GATA5: variants seen among roughly 807,000 people sequenced by gnomAD.
GATA5 encodes transcription factor GATA-5.
Under a neutral mutation model 35.0 loss-of-function variants are expected in GATA5, and 27 were observed. The ratio of observed to expected loss-of-function variants is 0.77; its 90% CI spans 0.57 to 1.06. GATA5 has a LOEUF of 1.06. Ranked by LOEUF, GATA5 falls within the 50% of genes least tolerant of loss-of-function variation. GATA5 has a pLI of 0.00. For synonymous variants in GATA5, 306 were observed against 267.8 expected (o/e 1.14, Z -1.39); for missense variants, 612 against 580.0 (o/e 1.06, Z -0.57).
At chr20:62,466,663 G>T in intron 3 of GATA5, 112 bp from the exon 4 acceptor site, 1 of 1,260,880 alleles carries the variant, frequency 7.9e-7, no homozygotes, top group Non-Finnish European at 1.1e-6. Flanking sequence ...CCGGTGAGAA[G>T]GTCGTGAGCT....
chr20:62,466,582 C>A, intron 3 of GATA5, 31 bp from the exon 4 acceptor site: 1 of 1,536,284 alleles, frequency 6.5e-7, no homozygotes. Flanking sequence ...GGAGTGAGCC[C>A]CGGGCCGGGT....
At chr20:62,469,712 T>G (rs1989677126) in intron 3 of GATA5, among the ~76,000 whole-genome samples, 1 of 152,188 alleles carries the variant, frequency 6.6e-6, no homozygotes, top group South Asian at 2.1e-4. Context: ...TCTATCAAAT[T>G]AAGACAATGG....
chr20:62,467,448 C>G (rs1989619672), intron 3 of GATA5, among the ~76,000 whole-genome samples: 1 of 152,232 alleles, frequency 6.6e-6, no homozygotes, highest in African/African-American at 2.4e-5. Flanking sequence ...GAAGCCCTTT[C>G]CCGAATCTCA....
Position 62,466,568 on chromosome 20 carries a change from G to T in GATA5, c.700-17C>A. 1 of 1,542,410 alleles carries T rather than the reference G, an allele frequency of 6.5e-7. No individual in the cohort carries two copies. The highest frequency in any genetic ancestry group is 8.7e-7 in the Non-Finnish European group (1 of 1,144,080). On this transcript the variant is annotated splice_polypyrimidine_tract_variant and intron_variant, in intron 3 of 6. Coordinates refer to ENST00000252997, the MANE Select transcript of GATA5 (RefSeq NM_080473.5). ...GGACGAGGACTGTGGGGGCGAGGGA[G>T]ACTGGAGTGAGCCCCGGGCCGGGTG...
chr20:62,474,179 C>T (rs560858570), intron 2 of GATA5, among the ~76,000 whole-genome samples: 2 of 152,354 alleles, frequency 1.3e-5, no homozygotes, highest in East Asian at 3.9e-4. Flanking sequence ...CTCACAGCCC[C>T]CTGGGGCCGG....
rs1555895944 is a variant in GATA5 at position 62,465,344 on chromosome 20, G to T, written c.1034C>A (p.Pro345His). The change falls in exon 6 of 7, where the codon CCC becomes CAC. Residue 345 changes from proline to histidine, a missense_variant. Coordinates refer to ENST00000252997, the MANE Select transcript of GATA5 (RefSeq NM_080473.5). ...CACCCCAGCCCACCCCCTTACCTGGGGGGCCATGCTGGGCCCAGGGCACAC... is the reference window on the plus strand; with the variant it reads ...CACCCCAGCCCACCCCCTTACCTGGTGGGCCATGCTGGGCCCAGGGCACAC... Reference protein sequence around the residue: ...SPVCPGPSMAPQASGQEDDSL... With the variant: ...SPVCPGPSMAHQASGQEDDSL... 6.3e-7 allele frequency: 1 copy of T among 1,595,506 alleles called. No individual in the cohort carries two copies. Among genetic ancestry groups the T allele is most frequent in the Non-Finnish European group, 8.5e-7 (1 of 1,177,858 alleles).
chr20:62,473,649 ACCCTC>A lies in GATA5; in HGVS notation c.524-76_524-72del. On this transcript the variant is annotated intron_variant, in intron 2 of 6. Transcript: ENST00000252997. ...GATCCTCCCCAGCTCATGGGCCGGCACCCTCCCCTCCCCAGGAGCCTGGCGGCTTT... is the reference window on the plus strand; with the variant it reads ...GATCCTCCCCAGCTCATGGGCCGGCACCCTCCCCAGGAGCCTGGCGGCTTT... 4 of 1,448,760 alleles carry A rather than the reference ACCCTC, an allele frequency of 2.8e-6. No individual in the cohort carries two copies. In the South Asian group the frequency reaches 5.2e-5, roughly 19 times the overall value. 89.7% of individuals were successfully genotyped at this position (1,448,760 alleles called of 1,614,324 possible).
Position 62,466,514 on chromosome 20 carries a change from C to G in GATA5, c.737G>C (p.Cys246Ser). 1 of 1,563,186 alleles carries G rather than the reference C, an allele frequency of 6.4e-7. No homozygotes were observed. ...CCACAGCGTGGTGTTGGTCGTGTGG[C>G]AGTTGGTGCAGCAGAGGCCGGCGCG... ...SRRAGLCCTN[C>S]HTTNTTLWRR... Residue 246 changes from cysteine (C) to serine (S), a missense_variant, in exon 4 of 7, where the codon TGC (cysteine) becomes TCC (serine). Physicochemically the swap from Cys to Ser is moderately radical, Grantham distance 112. Coordinates refer to ENST00000252997, the MANE Select transcript of GATA5 (RefSeq NM_080473.5).
intron 4 of GATA5, 83 bp downstream of exon 4, chr20:62,466,343 G>A: frequency 1.7e-5 from 24 of 1,432,086 alleles, no homozygotes; most frequent in Non-Finnish European, 2.2e-5. Flanking sequence ...CTCCTCCCCA[G>A]CCTCTTGGTC....
At chr20:62,465,168 C>T (rs1989549692) in intron 6 of GATA5, among the ~76,000 whole-genome samples, 172 bp downstream of exon 6, 1 of 152,206 alleles carries the variant, frequency 6.6e-6, no homozygotes, top group South Asian at 2.1e-4. Flanking sequence ...TCTCCCACAT[C>T]TGGCACAGAG....
intron 4 of GATA5, 32 bp from the exon 5 acceptor site, chr20:62,465,953 C>T: frequency 6.7e-7 from 1 of 1,481,992 alleles, no homozygotes; most frequent in African/African-American, 1.4e-5. Flanking sequence ...GAGGCTGGTC[C>T]CATCCCTGCT....
At chr20:62,465,606 G>A (rs1018635041) in intron 5 of GATA5, 142 bp from the exon 6 acceptor site, 7 of 1,185,550 alleles carry the variant, frequency 5.9e-6, no homozygotes, top group Admixed American at 5.2e-5. Context: ...GGGTGGTGTG[G>A]CCGGGCGTGG....
intron 5 of GATA5, 114 bp from the exon 6 acceptor site, chr20:62,465,578 C>A: frequency 7.3e-7 from 1 of 1,370,316 alleles, no homozygotes; most frequent in Non-Finnish European, 9.8e-7. Context: ...AGACTCCTCA[C>A]GGTCACACCG....
At position 62,466,439 on chromosome 20, in the gene GATA5, A is replaced by G. The variant is rs1276846357; in HGVS notation, c.812T>C (p.Met271Thr). ...EPVCNACGLY[M>T]KLHGVPRPLA... ...GACCACACTCACCCCGTGCAGCTTC[A>G]TGTAGAGGCCGCAGGCATTGCACAC... Residue 271 changes from methionine (M) to threonine (T), a missense_variant, in exon 4 of 7, where the codon ATG (methionine) becomes ACG (threonine). Met to Thr is a moderately conservative substitution (Grantham distance 81). Transcript: ENST00000252997. 1.1e-5 allele frequency: 17 copies of G among 1,586,588 alleles called. No homozygotes were observed. The highest frequency in any genetic ancestry group is 1.5e-5 in the Non-Finnish European group (17 of 1,166,938).
chr20:62,474,909 G>A lies in GATA5; in HGVS notation c.523+90C>T, dbSNP rs1350534526. ...CTGGCAGGGAGGCTCGGACCGTGGGGGAGGATGAGGGGAGCGTTTCGCAGG... is the reference window on the plus strand; with the variant it reads ...CTGGCAGGGAGGCTCGGACCGTGGGAGAGGATGAGGGGAGCGTTTCGCAGG... On this transcript the variant is annotated intron_variant, in intron 2 of 6. Transcript: ENST00000252997. The A allele has an allele frequency of 7.1e-6, 8 of 1,123,302 alleles. No homozygotes were observed. In the African/African-American group the frequency reaches 1.3e-4, roughly 18 times the overall value. The allele number at this position is 1,123,302 out of a possible 1,614,324, so 69.6% of individuals were successfully genotyped here. A position where few individuals can be genotyped will look rare whatever the true frequency, so the allele number is the denominator to read the frequency against.
chr20:62,463,657 T>C lies in GATA5; in HGVS notation c.*1179A>G, dbSNP rs1469371304. The C allele has an allele frequency of 6.6e-6, 1 of 152,212 alleles. No individual in the cohort carries two copies. The highest frequency in any genetic ancestry group is 1.5e-5 in the Non-Finnish European group (1 of 68,032). The allele number at this position is 152,212 out of a possible 1,614,324, so 9.4% of individuals were successfully genotyped here. A position where few individuals can be genotyped will look rare whatever the true frequency, so the allele number is the denominator to read the frequency against. On this transcript the variant is annotated 3_prime_UTR_variant, in exon 7 of 7. Transcript: ENST00000252997. ...GATGCCAGACAACTGTTTTTCAATATGGGGTGGTGCACTGGGGGTCTAGCT... is the reference window on the plus strand; with the variant it reads ...GATGCCAGACAACTGTTTTTCAATACGGGGTGGTGCACTGGGGGTCTAGCT...
Position 62,466,562 on chromosome 20 carries a change from G to A in GATA5, c.700-11C>T, listed in dbSNP as rs996898487. 33 of 1,545,560 alleles carry A rather than the reference G, an allele frequency of 2.1e-5. No homozygotes were observed. The highest frequency in any genetic ancestry group is 2.4e-5 in the Non-Finnish European group (28 of 1,146,098). On this transcript the variant is annotated splice_polypyrimidine_tract_variant and intron_variant, in intron 3 of 6. Transcript: ENST00000252997. ...GCGGCGGGACGAGGACTGTGGGGGC[G>A]AGGGAGACTGGAGTGAGCCCCGGGC... is the stretch of plus-strand genomic sequence containing the variant.
At position 62,470,044 on chromosome 20, in the gene GATA5, C is replaced by T. The variant is rs782778434; in HGVS notation, c.699+3359G>A. Among the ~76,000 whole-genome samples the T allele has an allele frequency of 6.6e-6, 1 of 152,272 alleles. No individual in the cohort carries two copies. The highest frequency in any genetic ancestry group is 2.4e-5 in the African/African-American group (1 of 41,470). The stretch of plus-strand genomic sequence containing the variant: ...CCTGCCCCCCAGGCCTCTCTCCCGG[C>T]TGCATTTCGTTTTTCTTTTTTGTCG... On this transcript the variant is annotated intron_variant, in intron 3 of 6. Transcript: ENST00000252997. This position sits in a 1 kb window ranked among gnomAD's most constrained non-coding sequence, Gnocchi z 4.6.
chr20:62,465,104 G>A (rs1989547200), intron 6 of GATA5, 113 bp from the exon 7 acceptor site: 2 of 995,148 alleles, frequency 2.0e-6, no homozygotes, highest in Admixed American at 2.8e-5. Context: ...TGCCCTTAGG[G>A]ACCCCCTGAT....
Sources: allele counts gnomAD v4.1 joint callset (sites outside exome capture counted in the v4.1 genomes callset), GRCh38; gene constraint gnomAD v4.1.1; non-coding constraint Gnocchi (gnomAD v3.1); transcripts MANE v1.5; gene names NCBI Gene and HGNC (gene_info 2026-07-23, HGNC 2026-07-21).